The following USP45 variants were observed in gnomAD, a reference collection of about 807,000 sequenced individuals.
The protein encoded by USP45 is ubiquitin carboxyl-terminal hydrolase 45.
USP45 carries 89 observed loss-of-function variants against 95.8 expected under a neutral mutation model. That is an observed-to-expected ratio of 0.93 (90% CI 0.78 to 1.11). The LOEUF (loss-of-function observed/expected upper bound fraction) is 1.11. Among genes scored for constraint, USP45 ranks in the 50% least tolerant of loss-of-function variants. USP45 has a pLI of 0.00. For synonymous variants in USP45, 281 were observed against 316.2 expected, an observed-to-expected ratio of 0.89 and a Z score of 1.18; for missense variants, 898 against 942.5, an observed-to-expected ratio of 0.95 and a Z score of 0.62.
chr6:99,478,424 G>C (rs1345112229), intron 8 of USP45, among the ~76,000 whole-genome samples: 1 of 151,958 alleles, frequency 6.6e-6, no homozygotes, highest in Non-Finnish European at 1.5e-5. Flanking sequence ...AGGATTCCCA[G>C]GAAATGTACT....
intron 8 of USP45, among the ~76,000 whole-genome samples, chr6:99,476,940 A>G (rs960707624): frequency 2.0e-5 from 3 of 152,240 alleles, no homozygotes; most frequent in African/African-American, 4.8e-5. Context: ...ACACTGACAT[A>G]GGAAATATTT....
In USP45 at chr6:99,446,076, T is replaced by C; in HGVS notation, c.1696A>G (p.Ser566Gly). Residue 566 changes from serine to glycine, a missense_variant, in exon 14 of 18, where the codon AGC becomes GGC. Physicochemically the swap from Ser to Gly is moderately conservative, Grantham distance 56. Coordinates refer to ENST00000500704, the MANE Select transcript of USP45 (RefSeq NM_001346022.3). ...AEAISELRLSSTVTGDQDFDR... is the reference protein window; with the variant it reads ...AEAISELRLSGTVTGDQDFDR... Reference sequence around the variant, plus strand: ...AAATCTTGATCTCCAGTTACAGTGCTGCTCAAACGAAGTTCAGAAATAGCT... The same window carrying C: ...AAATCTTGATCTCCAGTTACAGTGCCGCTCAAACGAAGTTCAGAAATAGCT... 1.2e-6 allele frequency: 2 copies of C among 1,614,070 alleles called. No homozygotes were observed. The highest frequency in any genetic ancestry group is 2.2e-5 in the South Asian group (2 of 91,090).
chr6:99,438,053 G>A (rs1212830088), intron 16 of USP45, among the ~76,000 whole-genome samples: 5 of 152,212 alleles, frequency 3.3e-5, no homozygotes, highest in African/African-American at 4.8e-5. Context: ...ACAAATACAT[G>A]AGCAAAATGT....
Position 99,445,823 on chromosome 6 carries a change from T to C in USP45, c.1949A>G (p.Lys650Arg). ...TGCAAAACTGGTTTCTTCTTGGTAC[T>C]TCTGTTTGTTTTTAGTACAATTCTC... ...LCENCTKNKQ[K>R]YQEETSFAEK... Residue 650 changes from lysine to arginine, a missense_variant, in exon 14 of 18, where the codon AAG becomes AGG. Lys to Arg is a conservative substitution (Grantham distance 26, BLOSUM62 2). Transcript: ENST00000500704. The C allele has an allele frequency of 6.3e-7, 1 of 1,584,012 alleles. No homozygotes were observed. Among genetic ancestry groups the C allele is most frequent in the Non-Finnish European group, 8.6e-7 (1 of 1,169,560 alleles).
intron 9 of USP45, among the ~76,000 whole-genome samples, chr6:99,472,760 T>G (rs1789770506): frequency 1.3e-5 from 2 of 152,226 alleles, no homozygotes; most frequent in Non-Finnish European, 2.9e-5. Flanking sequence ...GAATCCAATT[T>G]AATACTTTTA....
chr6:99,490,697 A>T (rs1794980258), intron 5 of USP45, among the ~76,000 whole-genome samples: 1 of 152,204 alleles, frequency 6.6e-6, no homozygotes. Context: ...ATTAAACAGC[A>T]GAACTAGTGG....
chr6:99,470,717 C>T (rs1275872414), intron 9 of USP45, among the ~76,000 whole-genome samples: 1 of 151,944 alleles, frequency 6.6e-6, no homozygotes, highest in African/African-American at 2.4e-5. Flanking sequence ...GGCTTTTACA[C>T]CTTGAAAAAA....
intron 8 of USP45, among the ~76,000 whole-genome samples, chr6:99,479,163 T>C (rs1348272835): frequency 4.2e-5 from 6 of 144,428 alleles, no homozygotes; most frequent in African/African-American, 1.5e-4. Flanking sequence ...TATACATATA[T>C]ACACACACAC....
intron 13 of USP45, among the ~76,000 whole-genome samples, chr6:99,456,132 CGGAAAAAA>C (rs1785021517): frequency 1.1e-5 from 1 of 87,664 alleles, no homozygotes; most frequent in Non-Finnish European, 2.2e-5. Flanking sequence ...GACTCTGTCT[CGGAAAAAA>C]AAAAAAAAAA....
chr6:99,447,348 C>T (rs1263181711), intron 13 of USP45, among the ~76,000 whole-genome samples: 1 of 152,122 alleles, frequency 6.6e-6, no homozygotes, highest in African/African-American at 2.4e-5. Context: ...GTAATTGATA[C>T]TCAGTTTTAG....
In USP45 at chr6:99,433,540, A is replaced by ATT. The variant is rs1254340114; in HGVS notation, c.*2174_*2175dup. The ATT allele has an allele frequency of 2.0e-5, 3 of 152,546 alleles. No individual in the cohort carries two copies. Among genetic ancestry groups the ATT allele is most frequent in the Admixed American group, 2.0e-4 (3 of 15,288 alleles). 9.4% of individuals were successfully genotyped at this position (152,546 alleles called of 1,614,324 possible). A position where few individuals can be genotyped will look rare whatever the true frequency, so the allele number is the denominator to read the frequency against. The stretch of plus-strand genomic sequence containing the variant: ...CTGTTACAAAAGCTATCTTTAGGAA[A>ATT]TTCTTAAGTATCAAAAATCCAATTT... On this transcript the variant is annotated 3_prime_UTR_variant, in exon 18 of 18. Coordinates refer to ENST00000500704, the MANE Select transcript of USP45 (RefSeq NM_001346022.3).
At chr6:99,445,715 C>G (rs1562306679) in intron 14 of USP45, 82 bp downstream of exon 14, 2 of 1,063,712 alleles carry the variant, frequency 1.9e-6, no homozygotes, top group Middle Eastern at 3.2e-4. Context: ...GGACAAGATT[C>G]TCAGTAAAAT....
intron 13 of USP45, among the ~76,000 whole-genome samples, chr6:99,459,449 C>T (rs1369328797): frequency 3.3e-5 from 5 of 152,090 alleles, no homozygotes; most frequent in Non-Finnish European, 7.4e-5. Context: ...TGAACATTCA[C>T]CTACATGTGT....
chr6:99,460,445 G>A (rs538091608), intron 13 of USP45, among the ~76,000 whole-genome samples: 23 of 151,988 alleles, frequency 1.5e-4, no homozygotes, highest in Non-Finnish European at 3.1e-4. Context: ...AAATATCCTT[G>A]CAACTGTTTT....
In USP45 at chr6:99,434,914, G is replaced by A. The variant is rs1273650583; in HGVS notation, c.*802C>T. 1 of 152,060 alleles carries A rather than the reference G, an allele frequency of 6.6e-6. No individual in the cohort carries two copies. Among genetic ancestry groups the A allele is most frequent in the Non-Finnish European group, 1.5e-5 (1 of 67,998 alleles). 9.4% of individuals were successfully genotyped at this position (152,060 alleles called of 1,614,324 possible). A position where few individuals can be genotyped will look rare whatever the true frequency, so the allele number is the denominator to read the frequency against. On this transcript the variant is annotated 3_prime_UTR_variant, in exon 18 of 18. Coordinates refer to ENST00000500704, the MANE Select transcript of USP45 (RefSeq NM_001346022.3). ...TTATCCTTAACTCCACCATGAAGAG[G>A]GTGCAAGAGATATGTTTATGAAATG... is the stretch of plus-strand genomic sequence containing the variant.
rs73494565 is a variant in USP45, at chr6:99,464,587, G to A, written c.1308+17C>T. The A allele has an allele frequency of 2.0e-4, 317 of 1,595,374 alleles. 1 individual carries two copies. The African/African-American group carries it at 4.1e-3, about 21-fold the overall frequency. ...ACTGTTAAAAAACAGACGTCTAACAGATGCTTATGGTCTTACCTTATCTTT... is the reference window on the plus strand; with the variant it reads ...ACTGTTAAAAAACAGACGTCTAACAAATGCTTATGGTCTTACCTTATCTTT... On this transcript the variant is annotated intron_variant, in intron 13 of 17. Transcript: ENST00000500704.
At chr6:99,462,265 T>C in intron 13 of USP45, 2 of 984,736 alleles carry the variant, frequency 2.0e-6, no homozygotes, top group Non-Finnish European at 2.4e-6. Flanking sequence ...TATATCCATG[T>C]GGTGTCCAGA....
rs78029265 is a variant in USP45, at chr6:99,483,888, T to C, written c.715-1005A>G. ...AGAATGTTATCTTCCAAGATAACTATTGAATATATTGTCCTATTCCTATAT... is the reference window on the plus strand; with the variant it reads ...AGAATGTTATCTTCCAAGATAACTACTGAATATATTGTCCTATTCCTATAT... On this transcript the variant is annotated intron_variant, in intron 7 of 17. Coordinates refer to ENST00000500704, the MANE Select transcript of USP45 (RefSeq NM_001346022.3). 1.9e-3 allele frequency among the ~76,000 whole-genome samples: 292 copies of C among 150,800 alleles called. 2 individuals carry two copies. In the East Asian group the frequency reaches 0.025, roughly 13 times the overall value.
At chr6:99,462,625 T>C in intron 13 of USP45, 1 of 985,440 alleles carries the variant, frequency 1.0e-6, no homozygotes. Context: ...CTTTTATTTA[T>C]AGAAAACATG....
Sources: gnomAD v4.1 joint callset for allele counts (sites outside exome capture counted in the v4.1 genomes callset) on GRCh38, gnomAD v4.1.1 for gene constraint, MANE v1.5 for transcripts, NCBI Gene and HGNC (gene_info 2026-07-23, HGNC 2026-07-21) for gene names.